CDH4: variants seen among roughly 807,000 people sequenced by gnomAD.
The protein encoded by CDH4 is cadherin-4.
CDH4 carries 33 observed loss-of-function variants against 86.0 expected under a neutral mutation model. That is an observed-to-expected ratio of 0.38 (90% CI 0.29 to 0.51). The LOEUF (loss-of-function observed/expected upper bound fraction) is 0.51. Ranked by LOEUF, CDH4 falls within the 20% of genes least tolerant of loss-of-function variation. The pLI, the probability that CDH4 is intolerant of heterozygous loss-of-function variation, is 0.86. For missense variants in CDH4, 1,114 were observed against 1,307.4 expected, an observed-to-expected ratio of 0.85 and a Z score of 2.28; for synonymous variants, 555 against 549.4, an observed-to-expected ratio of 1.01 and a Z score of -0.14.
At chr20:61,630,128 C>G (rs1032163304) in intron 2 of CDH4, among the ~76,000 whole-genome samples, 2 of 152,202 alleles carry the variant, frequency 1.3e-5, no homozygotes, top group Non-Finnish European at 2.9e-5. Flanking sequence ...GAGCAGTGCT[C>G]GGAGGCAAAT....
chr20:61,338,877 C>G (rs1295584931), intron 2 of CDH4, among the ~76,000 whole-genome samples: 1 of 152,080 alleles, frequency 6.6e-6, no homozygotes, highest in African/African-American at 2.4e-5. Context: ...GAAGCAAACA[C>G]CTAGAGATGC....
At chr20:61,451,466 C>G (rs919840271) in intron 2 of CDH4, among the ~76,000 whole-genome samples, 2 of 152,112 alleles carry the variant, frequency 1.3e-5, no homozygotes, top group Non-Finnish European at 2.9e-5. Context: ...TATCTTAATC[C>G]TATTTCCAAG....
At chr20:61,546,094 G>GTGTA (rs796569129) in intron 2 of CDH4, among the ~76,000 whole-genome samples, 179 of 36,208 alleles carry the variant, frequency 4.9e-3, no homozygotes, top group Non-Finnish European at 6.0e-3. Flanking sequence ...ACGTGTGTGT[G>GTGTA]TGGAGGGGTG....
intron 2 of CDH4, among the ~76,000 whole-genome samples, chr20:61,720,544 AGT>A (rs2088027219): frequency 1.0e-5 from 1 of 98,528 alleles, no homozygotes; most frequent in African/African-American, 4.6e-5. Context: ...TGGGGTGCAG[AGT>A]GTAGGGGTGC....
At chr20:61,852,954 C>T (rs1982802769) in intron 6 of CDH4, 56 bp downstream of exon 6, 12 of 1,575,982 alleles carry the variant, frequency 7.6e-6, no homozygotes, top group Admixed American at 1.7e-5. Context: ...GGGTGCAGCA[C>T]AGGCCCTGAG....
chr20:61,298,473 T>C (rs995608124), intron 2 of CDH4, among the ~76,000 whole-genome samples: 2 of 152,028 alleles, frequency 1.3e-5, no homozygotes, highest in Admixed American at 6.6e-5. Context: ...GGATTGGATT[T>C]CTGGAAGGTT....
At chr20:61,403,359 C>T (rs1394627681) in intron 2 of CDH4, among the ~76,000 whole-genome samples, 2 of 152,198 alleles carry the variant, frequency 1.3e-5, no homozygotes, top group African/African-American at 2.4e-5. Flanking sequence ...GTCCTTCATA[C>T]TGAGTAACTT....
intron 6 of CDH4, among the ~76,000 whole-genome samples, chr20:61,864,346 G>A (rs1053648558): frequency 2.6e-5 from 4 of 152,230 alleles, no homozygotes; most frequent in African/African-American, 9.6e-5. Context: ...GACCAGTGCA[G>A]TCCCCTTTGG....
chr20:61,932,518 C>T (rs2055123457), intron 13 of CDH4, among the ~76,000 whole-genome samples: 1 of 152,142 alleles, frequency 6.6e-6, no homozygotes, highest in South Asian at 2.1e-4. Flanking sequence ...CACATGGACA[C>T]ATGCACACAC....
intron 2 of CDH4, among the ~76,000 whole-genome samples, chr20:61,524,240 C>CT (rs2085894075): frequency 6.6e-6 from 1 of 152,204 alleles, no homozygotes; most frequent in South Asian, 2.1e-4. Context: ...TGCTTCCCTA[C>CT]TGGAGACACA....
intron 2 of CDH4, among the ~76,000 whole-genome samples, chr20:61,532,722 G>A (rs760992277): frequency 3.9e-5 from 6 of 152,162 alleles, no homozygotes; most frequent in Non-Finnish European, 5.9e-5. Flanking sequence ...CTGGGGAGAC[G>A]GGTTCTCTGG....
chr20:61,926,181 G>A (rs6061388), intron 11 of CDH4, among the ~76,000 whole-genome samples: 11,012 of 152,266 alleles, frequency 0.072, 1,261 homozygotes, highest in African/African-American at 0.25. Flanking sequence ...CAGTGACCAG[G>A]GGCTCCGCTC....
At position 61,807,111 on chromosome 20, in the gene CDH4, C is replaced by T. The variant is rs1035641737; in HGVS notation, c.576+33929C>T. Among the ~76,000 whole-genome samples the T allele has an allele frequency of 3.9e-5, 6 of 152,212 alleles. No homozygotes were observed. Among genetic ancestry groups the T allele is most frequent in the African/African-American group, 1.2e-4 (5 of 41,444 alleles). ...CCTGATCTATGAGCTCCCAGGGCCC[C>T]GCAGCCCCGCCAGCCCCCAGCTGCA... On this transcript the variant is annotated intron_variant, in intron 4 of 15. Transcript: ENST00000614565. The surrounding 1 kb of genome is among the most constrained non-coding windows in gnomAD (Gnocchi z 4.5).
intron 2 of CDH4, among the ~76,000 whole-genome samples, chr20:61,671,853 G>A (rs1371101880): frequency 1.3e-5 from 2 of 150,826 alleles, no homozygotes; most frequent in East Asian, 2.0e-4. Flanking sequence ...GTGGAAGGTG[G>A]ATGGATGAAT....
chr20:61,746,291 G>A (rs939030746), intron 3 of CDH4, among the ~76,000 whole-genome samples: 30 of 152,202 alleles, frequency 2.0e-4, no homozygotes, highest in African/African-American at 7.2e-4. Context: ...GAGTCCCTGA[G>A]ACATGACTGT....
At chr20:61,731,018 A>G (rs2088174629) in intron 2 of CDH4, among the ~76,000 whole-genome samples, 1 of 152,090 alleles carries the variant, frequency 6.6e-6, no homozygotes, top group Non-Finnish European at 1.5e-5. Context: ...GGTCTCAGGC[A>G]GCAAGGGTGT....
intron 2 of CDH4, among the ~76,000 whole-genome samples, chr20:61,389,162 G>GC (rs1296245835): frequency 2.0e-5 from 3 of 152,226 alleles, no homozygotes; most frequent in Non-Finnish European, 4.4e-5. Flanking sequence ...CAGTCCCCAG[G>GC]CCCAGCCATG....
intron 4 of CDH4, among the ~76,000 whole-genome samples, chr20:61,822,816 A>G (rs1981116107): frequency 2.0e-5 from 3 of 152,232 alleles, no homozygotes; most frequent in Admixed American, 2.0e-4. Flanking sequence ...AGGGCTGCCT[A>G]GCCCAGGTCA....
At chr20:61,568,999 G>A (rs919587901) in intron 2 of CDH4, among the ~76,000 whole-genome samples, 1 of 152,152 alleles carries the variant, frequency 6.6e-6, no homozygotes. Context: ...CCTGAAATCT[G>A]AAATCAGTGA....
Sources: allele counts gnomAD v4.1 joint callset (sites outside exome capture counted in the v4.1 genomes callset), GRCh38; gene constraint gnomAD v4.1.1; non-coding constraint Gnocchi (gnomAD v3.1); transcripts MANE v1.5; gene names NCBI Gene and HGNC (gene_info 2026-07-23, HGNC 2026-07-21).